TRIM9: variants seen among roughly 807,000 people sequenced by gnomAD.
TRIM9 encodes E3 ubiquitin-protein ligase TRIM9.
TRIM9 carries 26 observed loss-of-function variants against 78.3 expected under a neutral mutation model. The ratio of observed to expected loss-of-function variants is 0.33; its 90% CI spans 0.24 to 0.46. TRIM9 has a LOEUF of 0.46. Ranked by LOEUF, TRIM9 falls within the 20% of genes least tolerant of loss-of-function variation. The pLI is 1.00. For missense variants in TRIM9, 787 were observed against 1,036.4 expected (o/e 0.76, Z 3.30); for synonymous variants, 398 against 416.5 (o/e 0.96, Z 0.54).
intron 7 of TRIM9, among the ~76,000 whole-genome samples, chr14:50,991,583 T>C (rs190001379): frequency 3.0e-4 from 45 of 152,228 alleles, no homozygotes; most frequent in Admixed American, 1.8e-3. Flanking sequence ...TATGATCCTT[T>C]ATCAATCATT....
At chr14:50,988,574 CT>C (rs67154650) in intron 7 of TRIM9, among the ~76,000 whole-genome samples, 9,507 of 138,076 alleles carry the variant, frequency 0.069, 693 homozygotes, top group African/African-American at 0.22. Flanking sequence ...ACAACCATTT[CT>C]TTTTTTTTTT....
intron 2 of TRIM9, among the ~76,000 whole-genome samples, chr14:51,024,008 TAAGGAATG>T (rs2058001377): frequency 2.0e-5 from 3 of 152,242 alleles, no homozygotes; most frequent in Non-Finnish European, 4.4e-5. Context: ...GGTCTTCGTA[TAAGGAATG>T]CATTAGTAAT....
chr14:51,007,618 G>A (rs2055990941), intron 5 of TRIM9, among the ~76,000 whole-genome samples: 1 of 152,130 alleles, frequency 6.6e-6, no homozygotes, highest in African/African-American at 2.4e-5. Flanking sequence ...TTCTTCAACT[G>A]TCTACTAGGG....
chr14:51,022,403 C>A (rs1212620569), intron 3 of TRIM9, among the ~76,000 whole-genome samples: 1 of 152,208 alleles, frequency 6.6e-6, no homozygotes, highest in Non-Finnish European at 1.5e-5. Flanking sequence ...CAGAAGCCAA[C>A]ACCATGCTTT....
intron 1 of TRIM9, among the ~76,000 whole-genome samples, chr14:51,047,439 C>A (rs894768380): frequency 6.6e-6 from 1 of 152,110 alleles, no homozygotes; most frequent in Non-Finnish European, 1.5e-5. Flanking sequence ...GAGGAATGAA[C>A]ACAGAGCTTA....
chr14:50,997,003 A>G, intron 7 of TRIM9: 1 of 985,420 alleles, frequency 1.0e-6, no homozygotes, highest in Non-Finnish European at 1.2e-6. Flanking sequence ...GAAGTGGGAA[A>G]AAAAACACCA....
chr14:51,047,645 T>C (rs989587926), intron 1 of TRIM9, among the ~76,000 whole-genome samples: 2 of 150,556 alleles, frequency 1.3e-5, no homozygotes, highest in Non-Finnish European at 3.0e-5. Context: ...TAAGGCAACA[T>C]ACCCAAGGGA....
At chr14:51,030,702 T>A (rs1566596705) in intron 1 of TRIM9, among the ~76,000 whole-genome samples, 2 of 152,082 alleles carry the variant, frequency 1.3e-5, no homozygotes, top group Non-Finnish European at 2.9e-5. Flanking sequence ...TGTGTATGTA[T>A]GTGATTGTAT....
chr14:51,031,923 G>A (rs919559039), intron 1 of TRIM9, among the ~76,000 whole-genome samples: 4 of 142,918 alleles, frequency 2.8e-5, no homozygotes, highest in Non-Finnish European at 4.8e-5. Flanking sequence ...CATTTGTATT[G>A]TGAACCTGAC....
chr14:51,034,639 C>T (rs998780887), intron 1 of TRIM9, among the ~76,000 whole-genome samples: 2 of 152,122 alleles, frequency 1.3e-5, no homozygotes, highest in East Asian at 3.8e-4. Context: ...CAAACCTTTG[C>T]TACATGAATT....
At chr14:51,058,306 T>G (rs1369133420) in intron 1 of TRIM9, among the ~76,000 whole-genome samples, 2 of 152,216 alleles carry the variant, frequency 1.3e-5, no homozygotes, top group Non-Finnish European at 2.9e-5. Flanking sequence ...TCAGGTGATG[T>G]GAGGCTCACA....
chr14:51,015,774 G>A (rs1332726529), intron 3 of TRIM9, among the ~76,000 whole-genome samples: 1 of 151,946 alleles, frequency 6.6e-6, no homozygotes, highest in Non-Finnish European at 1.5e-5. Flanking sequence ...CCAAAGCATT[G>A]GGATTACAGG....
intron 12 of TRIM9, 147 bp from the exon 13 acceptor site, chr14:50,977,500 A>G: frequency 1.9e-6 from 1 of 514,682 alleles, no homozygotes; most frequent in Non-Finnish European, 3.1e-6. Context: ...ACGGAATTCA[A>G]GAAGAATCCT....
chr14:50,983,585 C>T (rs1208181347), intron 8 of TRIM9, among the ~76,000 whole-genome samples, 164 bp from the exon 9 acceptor site: 1 of 152,172 alleles, frequency 6.6e-6, no homozygotes, highest in Non-Finnish European at 1.5e-5. Flanking sequence ...TAAAAAACTG[C>T]CCCTCTGCTC....
intron 5 of TRIM9, 54 bp from the exon 6 acceptor site, chr14:51,000,894 A>G (rs2054896914): frequency 4.4e-6 from 7 of 1,600,778 alleles, no homozygotes; most frequent in Non-Finnish European, 6.0e-6. Flanking sequence ...ATATTCCAGT[A>G]TCTTAGAATG....
intron 1 of TRIM9, among the ~76,000 whole-genome samples, chr14:51,077,398 T>TTTG (rs2062892433): frequency 1.1e-5 from 1 of 93,840 alleles, no homozygotes; most frequent in Admixed American, 9.8e-5. Flanking sequence ...TTTTTTTTTT[T>TTTG]TTTTTTTTTT....
At chr14:51,072,199 T>A (rs994413523) in intron 1 of TRIM9, among the ~76,000 whole-genome samples, 1 of 152,058 alleles carries the variant, frequency 6.6e-6, no homozygotes, top group African/African-American at 2.4e-5. Flanking sequence ...AATGTATTTC[T>A]TTTTTTTCAT....
intron 1 of TRIM9, among the ~76,000 whole-genome samples, chr14:51,033,817 A>T (rs1314071301): frequency 1.9e-4 from 29 of 152,248 alleles, no homozygotes; most frequent in Admixed American, 1.8e-3. Flanking sequence ...ATAAGCAAGA[A>T]TACAGGTTGT....
At chr14:51,087,539 C>A (rs1229804555) in intron 1 of TRIM9, among the ~76,000 whole-genome samples, 1 of 152,146 alleles carries the variant, frequency 6.6e-6, no homozygotes, top group Non-Finnish European at 1.5e-5. Context: ...ATGATCTTGG[C>A]TTTGAGATGT....
Sources: allele counts gnomAD v4.1 joint callset (sites outside exome capture counted in the v4.1 genomes callset), GRCh38; gene constraint gnomAD v4.1.1; transcripts MANE v1.5; gene names NCBI Gene and HGNC (gene_info 2026-07-23, HGNC 2026-07-21).